The following MSRA variants were observed in gnomAD, a reference collection of about 807,000 sequenced individuals.
MSRA encodes mitochondrial peptide methionine sulfoxide reductase.
Under a neutral mutation model 31.3 loss-of-function variants are expected in MSRA, and 54 were observed. That is an observed-to-expected ratio of 1.73 (90% CI 1.39 to 2.17). The LOEUF (loss-of-function observed/expected upper bound fraction) is 2.17. Among genes scored for constraint, MSRA ranks in the 30% most tolerant of loss-of-function variants. MSRA has a pLI of 0.00. For synonymous variants in MSRA, 169 were observed against 116.5 expected, an observed-to-expected ratio of 1.45 and a Z score of -2.90; for missense variants, 507 against 300.9, an observed-to-expected ratio of 1.69 and a Z score of -5.07.
At chr8:10,238,866 C>T (rs997375182) in intron 2 of MSRA, among the ~76,000 whole-genome samples, 1 of 151,646 alleles carries the variant, frequency 6.6e-6, no homozygotes, top group African/African-American at 2.4e-5. Context: ...ATACAAGGTA[C>T]AGAAAACATA....
At chr8:10,313,754 T>C (rs1801564890) in intron 4 of MSRA, among the ~76,000 whole-genome samples, 1 of 152,180 alleles carries the variant, frequency 6.6e-6, no homozygotes, top group Non-Finnish European at 1.5e-5. Context: ...AACAAGAGGA[T>C]GAGAGGACTT....
chr8:10,257,598 G>C (rs981973941), intron 3 of MSRA, among the ~76,000 whole-genome samples: 3 of 152,092 alleles, frequency 2.0e-5, no homozygotes, highest in Admixed American at 2.0e-4. Flanking sequence ...AGTAGAGATG[G>C]GGTTTCATCA....
At chr8:10,182,551 G>GTTTA (rs142017162) in intron 1 of MSRA, among the ~76,000 whole-genome samples, 50 of 152,264 alleles carry the variant, frequency 3.3e-4, no homozygotes, top group Middle Eastern at 3.4e-3. Flanking sequence ...GCAAGATTCA[G>GTTTA]TTTATTTATT....
At chr8:10,285,156 C>G (rs1402307739) in intron 3 of MSRA, among the ~76,000 whole-genome samples, 8 of 152,258 alleles carry the variant, frequency 5.3e-5, no homozygotes, top group Admixed American at 5.2e-4. Context: ...ACTCCTCGAG[C>G]TCTCTTCATC....
At chr8:10,230,652 A>G (rs1024326896) in intron 2 of MSRA, among the ~76,000 whole-genome samples, 3 of 152,228 alleles carry the variant, frequency 2.0e-5, no homozygotes, top group Non-Finnish European at 4.4e-5. Flanking sequence ...CAGTTGGAAT[A>G]CATACTTCTT....
At chr8:10,104,741 G>A (rs961838239) in intron 1 of MSRA, among the ~76,000 whole-genome samples, 3 of 152,140 alleles carry the variant, frequency 2.0e-5, no homozygotes, top group Admixed American at 6.5e-5. Flanking sequence ...AAAGGGAGAC[G>A]GATATAATGA....
chr8:10,207,463 C>T (rs1006220735), intron 1 of MSRA, among the ~76,000 whole-genome samples: 3 of 152,196 alleles, frequency 2.0e-5, no homozygotes, highest in Admixed American at 2.0e-4. Flanking sequence ...TGCAGGGGGA[C>T]TCACCCCCAG....
chr8:10,154,298 A>G lies in MSRA; in HGVS notation c.143-53535A>G, dbSNP rs1048614361. On this transcript the variant is annotated intron_variant, in intron 1 of 5. Coordinates refer to ENST00000317173, the MANE Select transcript of MSRA (RefSeq NM_012331.5). ...TACGGCAGGGCAGGGGTGCTACCCA[A>G]TAAGGTAGCACCCAAATCGGCTTCA... 1.0e-4 allele frequency among the ~76,000 whole-genome samples: 15 copies of G among 150,058 alleles called. 1 individual carries two copies. Among genetic ancestry groups the G allele is most frequent in the African/African-American group, 3.4e-4 (14 of 40,618 alleles).
intron 5 of MSRA, among the ~76,000 whole-genome samples, chr8:10,414,356 T>A (rs1248110309): frequency 7.9e-5 from 12 of 152,186 alleles, no homozygotes; most frequent in Non-Finnish European, 1.0e-4. Context: ...GAGACCCAGA[T>A]GAGTGAAACA....
At chr8:10,172,612 G>C (rs1171581881) in intron 1 of MSRA, among the ~76,000 whole-genome samples, 1 of 152,148 alleles carries the variant, frequency 6.6e-6, no homozygotes, top group African/African-American at 2.4e-5. Flanking sequence ...TCAGTCTTAA[G>C]GGGGCAAAAG....
chr8:10,287,153 A>G (rs1799980288), intron 3 of MSRA, among the ~76,000 whole-genome samples: 2 of 152,198 alleles, frequency 1.3e-5, no homozygotes, highest in African/African-American at 2.4e-5. Flanking sequence ...TCCCAATATC[A>G]ATCAAATTAC....
chr8:10,385,594 A>G (rs891802756), intron 5 of MSRA, among the ~76,000 whole-genome samples: 15 of 152,212 alleles, frequency 9.9e-5, no homozygotes, highest in African/African-American at 3.4e-4. Context: ...ACTCTGTGGT[A>G]AGGAGATTAG....
intron 1 of MSRA, among the ~76,000 whole-genome samples, chr8:10,165,185 G>A (rs1585072101): frequency 6.6e-6 from 1 of 152,156 alleles, no homozygotes; most frequent in African/African-American, 2.4e-5. Context: ...ACAGCTGGCC[G>A]CCTTTTTGCT....
At chr8:10,265,711 T>A (rs1282420899) in intron 3 of MSRA, among the ~76,000 whole-genome samples, 2 of 152,178 alleles carry the variant, frequency 1.3e-5, no homozygotes, top group African/African-American at 4.8e-5. Flanking sequence ...AATGAGCAGA[T>A]CCATTCCCCA....
At chr8:10,118,481 C>A (rs889463934) in intron 1 of MSRA, among the ~76,000 whole-genome samples, 4 of 152,094 alleles carry the variant, frequency 2.6e-5, no homozygotes, top group Non-Finnish European at 5.9e-5. Context: ...ATCCATCTCT[C>A]CCCTCTTTAA....
At chr8:10,057,724 C>G (rs781746090) in intron 1 of MSRA, among the ~76,000 whole-genome samples, 4 of 152,164 alleles carry the variant, frequency 2.6e-5, no homozygotes, top group East Asian at 1.9e-4. Flanking sequence ...CCTTTGCGCT[C>G]TCTCGTTCTC....
intron 2 of MSRA, among the ~76,000 whole-genome samples, chr8:10,235,534 TAAAG>T (rs1811867352): frequency 6.6e-6 from 1 of 151,542 alleles, no homozygotes; most frequent in African/African-American, 2.4e-5. Context: ...AAGATAATAG[TAAAG>T]AAAGAGCAGA....
chr8:10,162,544 G>A (rs1213982019), intron 1 of MSRA, among the ~76,000 whole-genome samples: 1 of 152,166 alleles, frequency 6.6e-6, no homozygotes, highest in Non-Finnish European at 1.5e-5. Flanking sequence ...GTGACGGGAG[G>A]AGGACTGGCG....
chr8:10,226,203 C>T (rs956073158), intron 2 of MSRA, among the ~76,000 whole-genome samples: 1 of 152,212 alleles, frequency 6.6e-6, no homozygotes, highest in East Asian at 1.9e-4. Context: ...CACTGAGTAT[C>T]TCAAACCAGC....
Sources: allele counts gnomAD v4.1 joint callset (sites outside exome capture counted in the v4.1 genomes callset), GRCh38; gene constraint gnomAD v4.1.1; transcripts MANE v1.5; gene names NCBI Gene and HGNC (gene_info 2026-07-23, HGNC 2026-07-21).